The following H6PD variants were observed in gnomAD, a reference collection of about 807,000 sequenced individuals.
H6PD encodes GDH/6PGL endoplasmic bifunctional protein.
A neutral mutation model predicts 61.2 loss-of-function variants in H6PD; 48 were observed. The observed-to-expected ratio is 0.78, with a 90% CI of 0.62 to 1.00. The LOEUF is 1.00. H6PD is among the 50% of genes least tolerant of loss of function. H6PD has a pLI of 0.00. For synonymous variants in H6PD, 480 were observed against 457.9 expected (o/e 1.05, Z -0.62); for missense variants, 1,093 against 1,065.0 (o/e 1.03, Z -0.37).
chr1:9,261,131 C>T (rs1276876900), intron 3 of H6PD, among the ~76,000 whole-genome samples: 2 of 152,084 alleles, frequency 1.3e-5, no homozygotes, highest in East Asian at 3.9e-4. Context: ...TGCATCTGCA[C>T]CCATTCTCCC....
In H6PD at chr1:9,270,639, G is replaced by C. The variant is rs1638717091; in HGVS notation, c.*5770G>C. The C allele has an allele frequency of 6.6e-6, 1 of 152,236 alleles. No homozygotes were observed. The highest frequency in any genetic ancestry group is 2.1e-4 in the South Asian group (1 of 4,824). The allele number at this position is 152,236 out of a possible 1,614,324, so 9.4% of individuals were successfully genotyped here. A position where few individuals can be genotyped will look rare whatever the true frequency, so the allele number is the denominator to read the frequency against. On this transcript the variant is annotated 3_prime_UTR_variant, in exon 5 of 5. Coordinates refer to ENST00000377403, the MANE Select transcript of H6PD (RefSeq NM_004285.4). ...CGGAGTGGGAACTGTGATTCCAGCCGGGCAGGTCAGAGTGGAGCAGTGCTA... is the reference window on the plus strand; with the variant it reads ...CGGAGTGGGAACTGTGATTCCAGCCCGGCAGGTCAGAGTGGAGCAGTGCTA...
intron 2 of H6PD, among the ~76,000 whole-genome samples, chr1:9,246,093 T>C (rs1421911452): frequency 6.6e-6 from 1 of 151,932 alleles, no homozygotes; most frequent in Non-Finnish European, 1.5e-5. Flanking sequence ...CAGGCGCGCA[T>C]CACCATGCCC....
In H6PD at chr1:9,268,846, G is replaced by C. The variant is rs189492690; in HGVS notation, c.*3977G>C. 2.8e-4 allele frequency: 42 copies of C among 152,278 alleles called. No individual in the cohort carries two copies. The highest frequency in any genetic ancestry group is 9.9e-4 in the African/African-American group (41 of 41,530). The allele number at this position is 152,278 out of a possible 1,614,324, so 9.4% of individuals were successfully genotyped here. Reference sequence around the variant, plus strand: ...TCTCCTGTCCCTGTTCTCCCGGAGGGCCCAGGTGGAACTCACGACAGGGAG... The same window carrying C: ...TCTCCTGTCCCTGTTCTCCCGGAGGCCCCAGGTGGAACTCACGACAGGGAG... On this transcript the variant is annotated 3_prime_UTR_variant, in exon 5 of 5. Transcript: ENST00000377403.
chr1:9,254,066 C>T lies in H6PD; in HGVS notation c.745+6983C>T, dbSNP rs533006684. 6.6e-6 allele frequency among the ~76,000 whole-genome samples: 1 copy of T among 152,236 alleles called. No homozygotes were observed. ...AAAGATGGCAGAGCCGGTATTTAAA[C>T]CGGGGCAGGCTGGGCACGGGGGCTT... On this transcript the variant is annotated intron_variant, in intron 3 of 4. Transcript: ENST00000377403. The surrounding 1 kb of genome is among the most constrained non-coding windows in gnomAD (Gnocchi z 4.6).
rs145488339 is a variant in H6PD, at chr1:9,244,902, G to T, written c.-10-23G>T. 4.3e-6 allele frequency: 7 copies of T among 1,610,806 alleles called. No individual in the cohort carries two copies. The African/African-American group carries it at 6.7e-5, about 15-fold the overall frequency. ...CATGTCTGATCCTTCCTTGTTCCTCGTCTGTCTCTCTTTGCACCCCAGGCA... is the reference window on the plus strand; with the variant it reads ...CATGTCTGATCCTTCCTTGTTCCTCTTCTGTCTCTCTTTGCACCCCAGGCA... On this transcript the variant is annotated intron_variant, in intron 1 of 4. Transcript: ENST00000377403.
In H6PD at chr1:9,265,055, G is replaced by A; in HGVS notation, c.*186G>A. 1.5e-6 allele frequency: 1 copy of A among 665,014 alleles called. No individual in the cohort carries two copies. 41.2% of individuals were successfully genotyped at this position (665,014 alleles called of 1,614,324 possible). A position where few individuals can be genotyped will look rare whatever the true frequency, so the allele number is the denominator to read the frequency against. On this transcript the variant is annotated 3_prime_UTR_variant, in exon 5 of 5. Transcript: ENST00000377403. Reference sequence around the variant, plus strand: ...CCTTTGACCGGCAGCTCTGTGTATTGGTGGATAGATGCAGAAACAAGGAAG... The same window carrying A: ...CCTTTGACCGGCAGCTCTGTGTATTAGTGGATAGATGCAGAAACAAGGAAG...
Position 9,263,857 on chromosome 1 carries a change from G to T in H6PD, c.1364G>T (p.Arg455Leu). 6.2e-7 allele frequency: 1 copy of T among 1,614,000 alleles called. No individual in the cohort carries two copies. The highest frequency in any genetic ancestry group is 1.3e-5 in the African/African-American group (1 of 75,060). ...TACGCCTACAGCCCTGTGCGGGAGC[G>T]GGACGCCCACTCCGTCCTCTTATCC... ...DYYAYSPVRE[R>L]DAHSVLLSHI... is the part of the protein sequence containing the mutation. Residue 455 changes from arginine (R) to leucine (L), a missense_variant, in exon 5 of 5, where the codon CGG becomes CTG. Transcript: ENST00000377403.
At chr1:9,236,584 G>A (rs1481867278) in intron 1 of H6PD, among the ~76,000 whole-genome samples, 4 of 150,990 alleles carry the variant, frequency 2.6e-5, no homozygotes, top group East Asian at 1.9e-4. Flanking sequence ...CGCTTGAACC[G>A]CCCTGCCTCC....
At chr1:9,260,364 C>G (rs1641683843) in intron 3 of H6PD, among the ~76,000 whole-genome samples, 1 of 149,812 alleles carries the variant, frequency 6.7e-6, no homozygotes, top group Non-Finnish European at 1.5e-5. Flanking sequence ...ACTGGTGTTG[C>G]ATTGTTGTTA....
At chr1:9,259,711 G>A (rs1392686545) in intron 3 of H6PD, among the ~76,000 whole-genome samples, 3 of 151,748 alleles carry the variant, frequency 2.0e-5, no homozygotes, top group Non-Finnish European at 4.4e-5. Flanking sequence ...CTGTTGTTAC[G>A]CCAGTGTTGT....
At chr1:9,239,888 T>G (rs2268176) in intron 1 of H6PD, 163,949 of 673,448 alleles carry the variant, frequency 0.24, 20,864 homozygotes, top group East Asian at 0.4. Flanking sequence ...AGGCTGGGTC[T>G]GCTGTGCCGG....
intron 1 of H6PD, among the ~76,000 whole-genome samples, chr1:9,241,645 C>T (rs1222004107): frequency 6.6e-6 from 1 of 152,244 alleles, no homozygotes; most frequent in East Asian, 1.9e-4. Context: ...AGTGATCCTC[C>T]TGCCTTGGCC....
At chr1:9,240,958 T>G (rs1640979937) in intron 1 of H6PD, among the ~76,000 whole-genome samples, 2 of 152,120 alleles carry the variant, frequency 1.3e-5, no homozygotes. Flanking sequence ...TTGACTTAAC[T>G]GGGCTTCTCT....
chr1:9,242,650 C>T (rs1222099892), intron 1 of H6PD: 2 of 985,324 alleles, frequency 2.0e-6, no homozygotes, highest in Non-Finnish European at 2.4e-6. Flanking sequence ...GGGGTGGGGG[C>T]AGAGGTGCTG....
At position 9,263,636 on chromosome 1, in the gene H6PD, G is replaced by C; in HGVS notation, c.1143G>C (p.Gln381His). ...TCAAGAACCAGGCCTGCTGTGTGCA[G>C]AGCGAAAAGCACTGGGCCGCGGCGC... Reference protein sequence around the residue: ...ILFKNQACCVQSEKHWAAAQS... With the variant: ...ILFKNQACCVHSEKHWAAAQS... The change falls in exon 5 of 5, where the codon CAG becomes CAC. Residue 381 changes from glutamine to histidine, a missense_variant. Gln to His is a conservative substitution (Grantham distance 24). Coordinates refer to ENST00000377403, the MANE Select transcript of H6PD (RefSeq NM_004285.4). 6.2e-7 allele frequency: 1 copy of C among 1,614,248 alleles called. No homozygotes were observed. Among genetic ancestry groups the C allele is most frequent in the Non-Finnish European group, 8.5e-7 (1 of 1,180,050 alleles).
chr1:9,260,769 G>A (rs1319074952), intron 3 of H6PD, among the ~76,000 whole-genome samples: 1 of 152,138 alleles, frequency 6.6e-6, no homozygotes, highest in Non-Finnish European at 1.5e-5. Flanking sequence ...GCTGCTCCAT[G>A]TTCTCCAGGT....
rs1570129042 is a variant in H6PD at position 9,264,282 on chromosome 1, G to A, written c.1789G>A (p.Ala597Thr). 6.2e-7 allele frequency: 1 copy of A among 1,610,540 alleles called. No homozygotes were observed. The highest frequency in any genetic ancestry group is 8.5e-7 in the Non-Finnish European group (1 of 1,179,562). The part of the protein sequence containing the change: ...LALSGGSSPV[A>T]LFQQLATAHY... ...ACTGTCGGGGGGCTCGAGCCCCGTG[G>A]CCCTGTTCCAGCAGCTGGCCACGGC... Residue 597 changes from alanine to threonine, a missense_variant, in exon 5 of 5, where the codon GCC becomes ACC. By Grantham distance (58) the Ala-to-Thr change is moderately conservative (BLOSUM62 0). Transcript: ENST00000377403.
intron 1 of H6PD, among the ~76,000 whole-genome samples, chr1:9,244,233 A>C (rs1641091076): frequency 6.6e-6 from 1 of 152,142 alleles, no homozygotes; most frequent in South Asian, 2.1e-4. Flanking sequence ...TATAAGCATG[A>C]ACTCCTTTTA....
At position 9,264,899 on chromosome 1, in the gene H6PD, C is replaced by T. The variant is rs774016346; in HGVS notation, c.*30C>T. On this transcript the variant is annotated 3_prime_UTR_variant, in exon 5 of 5. Transcript: ENST00000377403. ...GCCTGTGCCCCTTGCCCGCTTCGCT[C>T]CTGTGCTTTCCTTCGCCCGTGTCTT... is the stretch of plus-strand genomic sequence containing the variant. 6.8e-6 allele frequency: 11 copies of T among 1,607,608 alleles called. No individual in the cohort carries two copies. The highest frequency in any genetic ancestry group is 2.2e-4 in the Middle Eastern group (1 of 4,542).
Sources: allele counts gnomAD v4.1 joint callset (sites outside exome capture counted in the v4.1 genomes callset), GRCh38; gene constraint gnomAD v4.1.1; non-coding constraint Gnocchi (gnomAD v3.1); transcripts MANE v1.5; gene names NCBI Gene and HGNC (gene_info 2026-07-23, HGNC 2026-07-21).